OTOA: variants seen among roughly 807,000 people sequenced by gnomAD.
OTOA encodes the protein otoancorin, also known as cancer/testis antigen 108.
OTOA carries 70 observed loss-of-function variants against 110.8 expected under a neutral mutation model. That is an observed-to-expected ratio of 0.63 (90% CI 0.52 to 0.77). The LOEUF (loss-of-function observed/expected upper bound fraction) is 0.77, where lower values mean the gene tolerates loss of function less well. Ranked by LOEUF, OTOA falls within the 30% of genes least tolerant of loss-of-function variation. The pLI, the probability that OTOA is intolerant of heterozygous loss-of-function variation, is 0.00. For synonymous variants in OTOA, 373 were observed against 431.5 expected (o/e 0.86, Z 1.68); for missense variants, 917 against 1,075.8 (o/e 0.85, Z 2.06).
At chr16:21,679,269 A>C in intron 5 of OTOA, 58 bp downstream of exon 5, 1 of 1,549,618 alleles carries the variant, frequency 6.5e-7, no homozygotes, top group Non-Finnish European at 8.9e-7. Context: ...AAAAATTCTT[A>C]ATGGAAGTCT....
At position 21,687,650 on chromosome 16, in the gene OTOA, T is replaced by A. The variant is rs745871771; in HGVS notation, c.635+2T>A. On this transcript the variant is annotated splice_donor_variant, in intron 8 of 28. Coordinates refer to ENST00000646100, the MANE Select transcript of OTOA (RefSeq NM_144672.4). LOFTEE classifies it high-confidence loss of function. ...GCGCGAGGATGCCTTTAAGAACCTG[T>A]GAGTGGTTCCTCCGAACTTTTTTTT... 16 of 1,606,790 alleles carry A rather than the reference T, an allele frequency of 1.0e-5. No homozygotes were observed. The South Asian group carries it at 1.7e-4, about 17-fold the overall frequency.
At chr16:21,760,229 TC>T (rs1900125625) in intron 28 of OTOA, among the ~76,000 whole-genome samples, 1 of 151,892 alleles carries the variant, frequency 6.6e-6, no homozygotes, top group Admixed American at 6.6e-5. Context: ...CTCCAGGGGA[TC>T]CTGGAATTGG....
chr16:21,667,979 TC>T (rs1469640517), intron 1 of OTOA, among the ~76,000 whole-genome samples: 5 of 139,044 alleles, frequency 3.6e-5, no homozygotes, highest in Admixed American at 6.9e-5. Context: ...TACTAACCCC[TC>T]CTTGAAACAA....
At chr16:21,673,063 A>G (rs1470767155) in intron 1 of OTOA, among the ~76,000 whole-genome samples, 3 of 152,134 alleles carry the variant, frequency 2.0e-5, no homozygotes, top group African/African-American at 7.2e-5. Flanking sequence ...CCAGAGGATC[A>G]CTTGAACACA....
chr16:21,719,851 G>T (rs1898675032), intron 17 of OTOA, among the ~76,000 whole-genome samples: 1 of 152,054 alleles, frequency 6.6e-6, no homozygotes, highest in Non-Finnish European at 1.5e-5. Flanking sequence ...AGCTGTGAAT[G>T]CAAACAGTAC....
intron 21 of OTOA, among the ~76,000 whole-genome samples, chr16:21,734,566 G>A (rs1026456459): frequency 1.1e-4 from 17 of 152,238 alleles, no homozygotes; most frequent in Non-Finnish European, 2.2e-4. Flanking sequence ...GCCAGGTGCA[G>A]TGGCTCATGC....
chr16:21,682,203 T>C (rs1182974769), intron 6 of OTOA, among the ~76,000 whole-genome samples: 1 of 152,202 alleles, frequency 6.6e-6, no homozygotes, highest in Admixed American at 6.5e-5. Flanking sequence ...CTTTTATCTT[T>C]TTGCTTTGTC....
intron 12 of OTOA, among the ~76,000 whole-genome samples, chr16:21,707,589 TTCCTTTTC>T (rs1898205388): frequency 8.7e-6 from 1 of 115,040 alleles, no homozygotes; most frequent in Admixed American, 9.6e-5. Flanking sequence ...TTCCTTCTCC[TTCCTTTTC>T]TTTCTTTCTT....
chr16:21,737,895 A>T (rs1160856908), intron 22 of OTOA, among the ~76,000 whole-genome samples: 1 of 152,312 alleles, frequency 6.6e-6, no homozygotes, highest in Non-Finnish European at 1.5e-5. Context: ...GACAAAGTTA[A>T]TCACCCCCAG....
intron 17 of OTOA, among the ~76,000 whole-genome samples, chr16:21,720,745 G>A (rs915343111): frequency 1.1e-4 from 16 of 152,140 alleles, no homozygotes; most frequent in Non-Finnish European, 2.2e-4. Flanking sequence ...GCAAATGGAT[G>A]GAAGCTAGAC....
At chr16:21,726,098 C>T (rs1159474829) in intron 18 of OTOA, among the ~76,000 whole-genome samples, 1 of 152,054 alleles carries the variant, frequency 6.6e-6, no homozygotes, top group East Asian at 1.9e-4. Flanking sequence ...CTTTTTTCAT[C>T]TACTTTTTCC....
intron 1 of OTOA, among the ~76,000 whole-genome samples, chr16:21,664,978 GAATAAATAAATAAATA>G (rs113140289): frequency 1.6e-4 from 23 of 144,926 alleles, no homozygotes; most frequent in Non-Finnish European, 3.0e-4. Context: ...TCTCATGAAT[GAATAAATAAATAAATA>G]AATAAATAAA....
At chr16:21,674,861 A>G (rs1297741360) in intron 1 of OTOA, among the ~76,000 whole-genome samples, 2 of 113,792 alleles carry the variant, frequency 1.8e-5, no homozygotes, top group Admixed American at 1.7e-4. Context: ...TATAGTCTAG[A>G]TGCAACTCCT....
intron 1 of OTOA, among the ~76,000 whole-genome samples, chr16:21,672,928 G>T (rs1038782874): frequency 6.6e-6 from 1 of 152,090 alleles, no homozygotes; most frequent in Admixed American, 6.6e-5. Context: ...TGGGAGGATT[G>T]CTTGAGGCCA....
At chr16:21,705,419 C>T (rs1228544124) in intron 12 of OTOA, 127 bp downstream of exon 12, 2 of 1,399,866 alleles carry the variant, frequency 1.4e-6, no homozygotes, top group East Asian at 2.3e-5. Context: ...AGTCCAGTCA[C>T]AGCAGATGGC....
chr16:21,723,741 T>A (rs1016775804), intron 18 of OTOA, among the ~76,000 whole-genome samples: 1 of 152,186 alleles, frequency 6.6e-6, no homozygotes, highest in African/African-American at 2.4e-5. Context: ...ATGTCATTTG[T>A]CTCTTGTCCC....
chr16:21,725,427 G>T (rs753312747), intron 18 of OTOA, among the ~76,000 whole-genome samples: 2 of 151,926 alleles, frequency 1.3e-5, no homozygotes, highest in Admixed American at 6.6e-5. Context: ...TGAAACCCCA[G>T]GTGTGCATGC....
chr16:21,725,640 A>G (rs1207174689), intron 18 of OTOA, among the ~76,000 whole-genome samples: 1 of 152,148 alleles, frequency 6.6e-6, no homozygotes, highest in African/African-American at 2.4e-5. Flanking sequence ...GGCTTGGGAT[A>G]AAGAAAAAAA....
At chr16:21,691,714 A>G in intron 9 of OTOA, 27 bp downstream of exon 9, 1 of 1,566,514 alleles carries the variant, frequency 6.4e-7, no homozygotes, top group Non-Finnish European at 8.8e-7. Flanking sequence ...AGGTGGGGTC[A>G]CTTTTTGGGG....
Sources: allele counts gnomAD v4.1 joint callset (sites outside exome capture counted in the v4.1 genomes callset), GRCh38; gene constraint gnomAD v4.1.1; transcripts MANE v1.5; gene names NCBI Gene and HGNC (gene_info 2026-07-23, HGNC 2026-07-21).